The following ETS2 variants were observed in gnomAD, a reference collection of about 807,000 sequenced individuals.
The protein encoded by ETS2 is protein C-ets-2.
Under a neutral mutation model 54.9 loss-of-function variants are expected in ETS2, and 19 were observed. The ratio of observed to expected loss-of-function variants is 0.35; its 90% CI spans 0.24 to 0.51. The LOEUF (loss-of-function observed/expected upper bound fraction) is 0.51. Among genes scored for constraint, ETS2 ranks in the 20% least tolerant of loss-of-function variants. The pLI is 0.97. For missense variants in ETS2, 417 were observed against 593.0 expected (o/e 0.70, Z 3.08); for synonymous variants, 219 against 229.3 (o/e 0.95, Z 0.41).
upstream of ETS2, chr21:38,805,262 G>T: frequency 1.9e-6 from 2 of 1,070,292 alleles, no homozygotes; most frequent in Non-Finnish European, 1.2e-6. The surrounding 1 kb of genome is among the most constrained non-coding windows in gnomAD (Gnocchi z 5.2). Flanking sequence ...CACAGCCAGG[G>T]CCCGGTTTCT....
chr21:38,805,525 T>A, upstream of ETS2: 1 of 1,286,846 alleles, frequency 7.8e-7, no homozygotes, highest in Non-Finnish European at 1.0e-6. The surrounding 1 kb of genome is among the most constrained non-coding windows in gnomAD (Gnocchi z 5.2). Context: ...GGGCGCACAC[T>A]CGCGCGCACG....
chr21:38,818,352 A>G, intron 6 of ETS2, 73 bp from the exon 7 acceptor site: 1 of 1,605,268 alleles, frequency 6.2e-7, no homozygotes, highest in Non-Finnish European at 8.5e-7. Flanking sequence ...CTCACCTGTC[A>G]TTTGCTCGTA....
Position 38,806,740 on chromosome 21 carries a change from G to T in ETS2, c.-1+620G>T, listed in dbSNP as rs926550579. On this transcript the variant is annotated intron_variant, in intron 1 of 9. Coordinates refer to ENST00000360938, the MANE Select transcript of ETS2 (RefSeq NM_005239.6). This position sits in a 1 kb window ranked among gnomAD's most constrained non-coding sequence, Gnocchi z 4.3. ...CGTGCGAGGAGAGCGTGGGGAACCTGTCGGAAATGAGATCTGGTTGCGCTG... is the reference window on the plus strand; with the variant it reads ...CGTGCGAGGAGAGCGTGGGGAACCTTTCGGAAATGAGATCTGGTTGCGCTG... 1 of 985,404 alleles carries T rather than the reference G, an allele frequency of 1.0e-6. No homozygotes were observed. The highest frequency in any genetic ancestry group is 1.7e-5 in the African/African-American group (1 of 57,260). 61.0% of individuals were successfully genotyped at this position (985,404 alleles called of 1,614,324 possible). A position where few individuals can be genotyped will look rare whatever the true frequency, so the allele number is the denominator to read the frequency against.
chr21:38,821,851 T>C lies in ETS2; in HGVS notation c.1194+147T>C, dbSNP rs1027482136. ...GAGGCATCCTTGGCTGTTGGGAAAA[T>C]GGAAGTGGAGTCATTGCTTTGTTGA... On this transcript the variant is annotated intron_variant, in intron 9 of 9. Coordinates refer to ENST00000360938, the MANE Select transcript of ETS2 (RefSeq NM_005239.6). This position sits in a 1 kb window ranked among gnomAD's most constrained non-coding sequence, Gnocchi z 4.2. The C allele has an allele frequency of 1.3e-5, 9 of 672,642 alleles. No individual in the cohort carries two copies. The highest frequency in any genetic ancestry group is 1.1e-4 in the African/African-American group (6 of 55,842). The allele number at this position is 672,642 out of a possible 1,614,324, so 41.7% of individuals were successfully genotyped here.
intron 2 of ETS2, 77 bp from the exon 3 acceptor site, chr21:38,812,926 C>A: frequency 9.7e-7 from 1 of 1,025,690 alleles, no homozygotes; most frequent in Non-Finnish European, 1.5e-6. Context: ...TAGGATTGCC[C>A]ACAGACCACT....
intron 6 of ETS2, 59 bp downstream of exon 6, chr21:38,817,150 G>A: frequency 8.7e-7 from 1 of 1,148,090 alleles, no homozygotes; most frequent in Non-Finnish European, 1.3e-6. Context: ...AGTAGACTTG[G>A]AATCTCTCTA....
rs1054375362 is a variant in ETS2 at position 38,808,907 on chromosome 21, G to T, written c.1-1128G>T. ...GGGAGGGCAAGGAATCACCCTAGAG[G>T]TGAAGGCCATTCATCGGTGCTAACC... On this transcript the variant is annotated intron_variant, in intron 1 of 9. Transcript: ENST00000360938. 2.0e-5 allele frequency among the ~76,000 whole-genome samples: 3 copies of T among 152,204 alleles called. No individual in the cohort carries two copies. In the South Asian group the frequency reaches 6.2e-4, roughly 31 times the overall value.
chr21:38,822,412 T>G (rs1269498745), intron 9 of ETS2, among the ~76,000 whole-genome samples: 1 of 152,126 alleles, frequency 6.6e-6, no homozygotes, highest in East Asian at 1.9e-4. Flanking sequence ...AACCCTTGGC[T>G]CCCAGGAGGT....
Position 38,823,491 on chromosome 21 carries a change from A to T in ETS2, c.*602A>T, listed in dbSNP as rs1003498697. The T allele has an allele frequency of 2.0e-5, 3 of 152,436 alleles. No homozygotes were observed. Among genetic ancestry groups the T allele is most frequent in the Admixed American group, 6.5e-5 (1 of 15,280 alleles). 9.4% of individuals were successfully genotyped at this position (152,436 alleles called of 1,614,324 possible). A position where few individuals can be genotyped will look rare whatever the true frequency, so the allele number is the denominator to read the frequency against. On this transcript the variant is annotated 3_prime_UTR_variant, in exon 10 of 10. Coordinates refer to ENST00000360938, the MANE Select transcript of ETS2 (RefSeq NM_005239.6). ...AGGTTTTATTTCATTTTTCAATAGC[A>T]CATATGGAATTTTGCAAAGATTTAA...
Position 38,815,189 on chromosome 21 carries a change from T to A in ETS2, c.505+208T>A, listed in dbSNP as rs74926996. On this transcript the variant is annotated intron_variant, in intron 5 of 9. Coordinates refer to ENST00000360938, the MANE Select transcript of ETS2 (RefSeq NM_005239.6). ...CACTTTATGTGAGTGTGTGTGTGTG[T>A]GTGTGTGTGTGTGTATAGCATCAAG... Among the ~76,000 whole-genome samples the A allele has an allele frequency of 1.2e-5, 1 of 80,156 alleles. No individual in the cohort carries two copies. The allele number at this position is 80,156 out of a possible 152,430, so 52.6% of individuals were successfully genotyped here. A position where few individuals can be genotyped will look rare whatever the true frequency, so the allele number is the denominator to read the frequency against.
In ETS2 at chr21:38,823,965, T is replaced by C. The variant is rs2060968882; in HGVS notation, c.*1076T>C. On this transcript the variant is annotated 3_prime_UTR_variant, in exon 10 of 10. Coordinates refer to ENST00000360938, the MANE Select transcript of ETS2 (RefSeq NM_005239.6). ...TTCTTCTGTGTGATTAAAATAAGAA[T>C]ATTATTTTTGGAAATATGCAACTCC... 4 of 152,646 alleles carry C rather than the reference T, an allele frequency of 2.6e-5. No individual in the cohort carries two copies. The highest frequency in any genetic ancestry group is 2.6e-4 in the Admixed American group (4 of 15,276). The allele number at this position is 152,646 out of a possible 1,614,324, so 9.5% of individuals were successfully genotyped here. A position where few individuals can be genotyped will look rare whatever the true frequency, so the allele number is the denominator to read the frequency against.
intron 1 of ETS2, chr21:38,809,552 C>T (rs1297479520): frequency 6.5e-6 from 1 of 153,438 alleles, no homozygotes; most frequent in East Asian, 1.9e-4. Flanking sequence ...TTCCTGGACT[C>T]CTTTCCTGTC....
chr21:38,818,340 T>G lies in ETS2; in HGVS notation c.590-85T>G, dbSNP rs151101102. On this transcript the variant is annotated intron_variant, in intron 6 of 9. Transcript: ENST00000360938. ...CTGCAGAGGGCTGGAGTGTGCGGAG[T>G]GCTCACCTGTCATTTGCTCGTAGGG... The G allele has an allele frequency of 1.3e-3, 2,092 of 1,589,060 alleles. 21 individuals are homozygous for G. In the African/African-American group the frequency reaches 0.024, roughly 18 times the overall value.
intron 9 of ETS2, 37 bp from the exon 10 acceptor site, chr21:38,822,637 A>G (rs751353699): frequency 1.3e-6 from 2 of 1,544,834 alleles, no homozygotes; most frequent in South Asian, 1.1e-5. Context: ...TCATTGACAA[A>G]TTGAGTTTAA....
intron 6 of ETS2, 77 bp downstream of exon 6, chr21:38,817,168 C>A: frequency 2.1e-6 from 2 of 953,208 alleles, no homozygotes; most frequent in Non-Finnish European, 3.3e-6. Context: ...CTACTGTAGG[C>A]TCCTAAGGGG....
At chr21:38,805,268 T>C, upstream of ETS2, 1 of 1,110,508 alleles carries the variant, frequency 9.0e-7, no homozygotes, top group South Asian at 1.6e-5. The surrounding 1 kb of genome is among the most constrained non-coding windows in gnomAD (Gnocchi z 5.2). Flanking sequence ...CAGGGCCCGG[T>C]TTCTACAGGA....
intron 6 of ETS2, 65 bp from the exon 7 acceptor site, chr21:38,818,360 G>A (rs567494567): frequency 3.1e-5 from 50 of 1,608,608 alleles, no homozygotes; most frequent in Middle Eastern, 2.2e-4. Flanking sequence ...TCATTTGCTC[G>A]TAGGGGTTAG....
chr21:38,810,116 C>A lies in ETS2; in HGVS notation c.72+10C>A. 2.7e-6 allele frequency: 4 copies of A among 1,472,098 alleles called. No homozygotes were observed. The highest frequency in any genetic ancestry group is 1.4e-5 in the South Asian group (1 of 72,880). The allele number at this position is 1,472,098 out of a possible 1,614,324, so 91.2% of individuals were successfully genotyped here. A position where few individuals can be genotyped will look rare whatever the true frequency, so the allele number is the denominator to read the frequency against. ...CAGAGGGACACTCAAGGTGAGTGGG[C>A]AAGTCTTAATTTTTTTTTTTAATTG... On this transcript the variant is annotated intron_variant, in intron 2 of 9. Coordinates refer to ENST00000360938, the MANE Select transcript of ETS2 (RefSeq NM_005239.6).
intron 1 of ETS2, among the ~76,000 whole-genome samples, chr21:38,809,395 C>A (rs146638244): frequency 6.6e-6 from 1 of 152,276 alleles, no homozygotes; most frequent in East Asian, 1.9e-4. Context: ...CCAAGCAACA[C>A]ACAAAGCAGA....
Sources: allele counts gnomAD v4.1 joint callset (sites outside exome capture counted in the v4.1 genomes callset), GRCh38; gene constraint gnomAD v4.1.1; non-coding constraint Gnocchi (gnomAD v3.1); transcripts MANE v1.5; gene names NCBI Gene and HGNC (gene_info 2026-07-23, HGNC 2026-07-21).